CHD2: variants seen among roughly 807,000 people sequenced by gnomAD.
The protein encoded by CHD2 is ATP-dependent chromatin remodeler CHD2.
CHD2 carries 28 observed loss-of-function variants against 243.9 expected under a neutral mutation model. The ratio of observed to expected loss-of-function variants is 0.11; its 90% confidence interval spans 0.09 to 0.16. The LOEUF is 0.16. Among genes scored for constraint, CHD2 ranks in the 10% least tolerant of loss-of-function variants. The probability of loss-of-function intolerance (pLI) is 1.00; values close to 1 mark genes in which losing one functional copy is unlikely to be tolerated. For synonymous variants in CHD2, 775 were observed against 779.0 expected (o/e 0.99, Z 0.09); for missense variants, 1,386 against 2,209.8 (o/e 0.63, Z 7.47).
chr15:92,913,888 T>C (rs958849724), intron 2 of CHD2, among the ~76,000 whole-genome samples: 2 of 152,124 alleles, frequency 1.3e-5, no homozygotes, highest in Non-Finnish European at 2.9e-5. Context: ...GAAACCGTGC[T>C]TGCCTTGGTA....
chr15:92,961,871 CTTCTCTTTT>C (rs1372843293), intron 16 of CHD2, among the ~76,000 whole-genome samples: 2 of 92,398 alleles, frequency 2.2e-5, no homozygotes, highest in Admixed American at 1.4e-4. Context: ...TCTGTTTTTT[CTTCTCTTTT>C]TTTTTTTTTT....
Position 92,980,131 on chromosome 15 carries a change from G to T in CHD2, c.2877-684G>T, listed in dbSNP as rs2053959724. 2.0e-5 allele frequency among the ~76,000 whole-genome samples: 3 copies of T among 151,274 alleles called. No homozygotes were observed. The South Asian group carries it at 6.3e-4, about 32-fold the overall frequency. ...ACGATCTTGGCTCATTGCAACCTCT[G>T]TCTCCTAGGTTGAAGTGATTCTTGT... On this transcript the variant is annotated intron_variant, in intron 22 of 38. Coordinates refer to ENST00000394196, the MANE Select transcript of CHD2 (RefSeq NM_001271.4).
chr15:92,994,221 A>C (rs1310862995), intron 28 of CHD2, among the ~76,000 whole-genome samples: 4 of 152,154 alleles, frequency 2.6e-5, no homozygotes, highest in Non-Finnish European at 5.9e-5. Context: ...TATCCCTTCA[A>C]CTGTCTCATT....
At chr15:92,983,449 TCTTAA>T (rs1347703454) in intron 24 of CHD2, among the ~76,000 whole-genome samples, 3 of 152,116 alleles carry the variant, frequency 2.0e-5, no homozygotes, top group South Asian at 2.1e-4. Context: ...AAAGTAAGAG[TCTTAA>T]CTTGACTTCA....
At chr15:92,960,730 T>C (rs976203827) in intron 16 of CHD2, among the ~76,000 whole-genome samples, 700 of 147,820 alleles carry the variant, frequency 4.7e-3, no homozygotes, top group Non-Finnish European at 7.8e-3. Flanking sequence ...TTTTTTTTTT[T>C]TTAAGACAGA....
At chr15:92,916,742 C>A (rs778593059) in intron 2 of CHD2, among the ~76,000 whole-genome samples, 2 of 152,046 alleles carry the variant, frequency 1.3e-5, no homozygotes, top group Non-Finnish European at 2.9e-5. Context: ...TTAGTAGAGA[C>A]GGGGTTTCAC....
intron 33 of CHD2, among the ~76,000 whole-genome samples, chr15:93,003,117 A>C (rs1181420338): frequency 6.6e-6 from 1 of 152,136 alleles, no homozygotes; most frequent in Non-Finnish European, 1.5e-5. Flanking sequence ...GTCTCTACAA[A>C]ATAAAAACAA....
Position 92,997,201 on chromosome 15 carries a change from A to AT in CHD2, c.3735-51dup. 6.2e-7 allele frequency: 1 copy of AT among 1,610,010 alleles called. No individual in the cohort carries two copies. Among genetic ancestry groups the AT allele is most frequent in the Middle Eastern group, 1.7e-4 (1 of 6,036 alleles). ...GTATTTTTACTGTCTCTTCTTTAAC[A>AT]TACCAAAAAGGCCCCTCTTCTAATG... On this transcript the variant is annotated intron_variant, in intron 29 of 38. Transcript: ENST00000394196. This position sits in a 1 kb window ranked among gnomAD's most constrained non-coding sequence, Gnocchi z 4.1.
intron 5 of CHD2, among the ~76,000 whole-genome samples, chr15:92,933,537 C>G (rs913438898): frequency 1.4e-4 from 22 of 152,102 alleles, no homozygotes; most frequent in Non-Finnish European, 2.4e-4. Context: ...CATGCATTAC[C>G]TCTTAATGTT....
At chr15:92,904,372 C>T (rs2052578156) in intron 2 of CHD2, 4 of 901,784 alleles carry the variant, frequency 4.4e-6, no homozygotes, top group Non-Finnish European at 4.0e-6. Flanking sequence ...CTTCGGCAGC[C>T]TCCGCCCCGT....
At chr15:92,903,708 A>G (rs2052564338) in intron 2 of CHD2, among the ~76,000 whole-genome samples, 1 of 152,104 alleles carries the variant, frequency 6.6e-6, no homozygotes, top group South Asian at 2.1e-4. Flanking sequence ...GGATAACTTA[A>G]GTAACATCAA....
Position 92,924,124 on chromosome 15 carries a change from G to T in CHD2, c.63-197G>T, listed in dbSNP as rs8026695. On this transcript the variant is annotated intron_variant, in intron 2 of 38. Transcript: ENST00000394196. ...TAGCATCATGTAAACATTCAGGAAA[G>T]GGTAGCTATTGGGGATTTTGAGAAT... Among the ~76,000 whole-genome samples the T allele has an allele frequency of 0.55, 83,521 of 151,982 alleles. 23,700 individuals carry two copies. The highest frequency in any genetic ancestry group is 0.85 in the East Asian group (4,391 of 5,156).
intron 13 of CHD2, among the ~76,000 whole-genome samples, chr15:92,952,673 C>T (rs1401161755): frequency 6.6e-6 from 1 of 152,234 alleles, no homozygotes; most frequent in African/African-American, 2.4e-5. Context: ...AAGCTTCCCT[C>T]CCTCACCCGC....
chr15:92,906,801 A>G (rs1379491661), intron 2 of CHD2, among the ~76,000 whole-genome samples: 1 of 151,916 alleles, frequency 6.6e-6, no homozygotes, highest in Non-Finnish European at 1.5e-5. Context: ...AAATTCCTCT[A>G]AGAGTATTTT....
intron 2 of CHD2, among the ~76,000 whole-genome samples, chr15:92,908,427 T>G (rs2052663194): frequency 6.6e-6 from 1 of 152,184 alleles, no homozygotes; most frequent in Non-Finnish European, 1.5e-5. Context: ...TTCCTCTATT[T>G]CCTGTCTTTT....
chr15:92,942,708 G>A, intron 8 of CHD2, 135 bp from the exon 9 acceptor site: 1 of 622,378 alleles, frequency 1.6e-6, no homozygotes, highest in East Asian at 2.8e-5. Flanking sequence ...TTGTTTGTGA[G>A]TTTGTACTTA....
At chr15:92,983,627 C>T (rs1019858883) in intron 24 of CHD2, among the ~76,000 whole-genome samples, 2 of 152,176 alleles carry the variant, frequency 1.3e-5, no homozygotes, top group Admixed American at 1.3e-4. Context: ...TGTACTCCTC[C>T]TCTGGTTCTT....
chr15:92,991,216 T>C, intron 26 of CHD2: 1 of 370,708 alleles, frequency 2.7e-6, no homozygotes. Context: ...TTCTCTAGCA[T>C]GTTATCTAAG....
chr15:92,914,783 G>A (rs905160638), intron 2 of CHD2, among the ~76,000 whole-genome samples: 6 of 152,098 alleles, frequency 3.9e-5, no homozygotes, highest in African/African-American at 1.4e-4. Context: ...AACAAATTAG[G>A]TAGCACCCCA....
Sources: allele counts gnomAD v4.1 joint callset (sites outside exome capture counted in the v4.1 genomes callset), GRCh38; gene constraint gnomAD v4.1.1; non-coding constraint Gnocchi (gnomAD v3.1); transcripts MANE v1.5; gene names NCBI Gene and HGNC (gene_info 2026-07-23, HGNC 2026-07-21).